Variants in SSBP2 observed in about 807,000 individuals in gnomAD.
SSBP2 encodes single-stranded DNA-binding protein 2.
SSBP2 carries 17 observed loss-of-function variants against 61.8 expected under a neutral mutation model. That is an observed-to-expected ratio of 0.28 (90% confidence interval 0.19 to 0.41). The LOEUF (loss-of-function observed/expected upper bound fraction) is 0.41, where lower values mean the gene tolerates loss of function less well. Ranked by LOEUF, SSBP2 falls within the 10% of genes least tolerant of loss-of-function variation. The probability of loss-of-function intolerance (pLI) is 1.00; values close to 1 mark genes in which losing one functional copy is unlikely to be tolerated. For missense variants in SSBP2, 310 were observed against 458.7 expected (o/e 0.68, Z 2.96); for synonymous variants, 139 against 141.3 (o/e 0.98, Z 0.12).
chr5:81,727,369 G>A (rs608001), intron 1 of SSBP2, among the ~76,000 whole-genome samples: 6,688 of 152,242 alleles, frequency 0.044, 217 homozygotes, highest in Middle Eastern at 0.088. Flanking sequence ...GACCAACATG[G>A]AGAAACCCTG....
chr5:81,488,195 T>G (rs1766580261), intron 6 of SSBP2, among the ~76,000 whole-genome samples: 1 of 151,192 alleles, frequency 6.6e-6, no homozygotes, highest in East Asian at 2.0e-4. Context: ...AATGCAGATA[T>G]TCCTTCAAGA....
chr5:81,587,762 C>T lies in SSBP2; in HGVS notation c.282+27711G>A, dbSNP rs576559380. On this transcript the variant is annotated intron_variant, in intron 4 of 16. Transcript: ENST00000320672. ...ACACACACACGCACACACACGCGCG[C>T]GCACACACACACACACACACACTAA... Among the ~76,000 whole-genome samples, 1,054 of 127,984 alleles carry T rather than the reference C, an allele frequency of 8.2e-3. 8 individuals carry two copies. Among genetic ancestry groups the T allele is most frequent in the African/African-American group, 0.032 (976 of 30,242 alleles). 84.0% of individuals were successfully genotyped at this position (127,984 alleles called of 152,430 possible). A position where few individuals can be genotyped will look rare whatever the true frequency, so the allele number is the denominator to read the frequency against.
At chr5:81,613,164 T>C (rs1380870762) in intron 4 of SSBP2, among the ~76,000 whole-genome samples, 2 of 152,114 alleles carry the variant, frequency 1.3e-5, no homozygotes, top group African/African-American at 4.8e-5. Flanking sequence ...AAAAATGGCA[T>C]CCAAGAATAA....
In SSBP2 at chr5:81,414,014, A is replaced by C. The variant is rs1761221451; in HGVS notation, c.*6490T>G. On this transcript the variant is annotated 3_prime_UTR_variant, in exon 17 of 17. Coordinates refer to ENST00000320672, the MANE Select transcript of SSBP2 (RefSeq NM_012446.5). ...GTGGGATTAAGTGTTAATATTGACTAGGAGTAAGTCCTTTACATCATTTTT... is the reference window on the plus strand; with the variant it reads ...GTGGGATTAAGTGTTAATATTGACTCGGAGTAAGTCCTTTACATCATTTTT... 1 of 152,204 alleles carries C rather than the reference A, an allele frequency of 6.6e-6. No individual in the cohort carries two copies. The highest frequency in any genetic ancestry group is 2.1e-4 in the South Asian group (1 of 4,836). 9.4% of individuals were successfully genotyped at this position (152,204 alleles called of 1,614,324 possible).
At chr5:81,447,389 C>T (rs561393402) in intron 11 of SSBP2, among the ~76,000 whole-genome samples, 4 of 152,246 alleles carry the variant, frequency 2.6e-5, no homozygotes, top group South Asian at 2.1e-4. Context: ...TCAATTGCAA[C>T]GTTTCTGGAG....
intron 8 of SSBP2, among the ~76,000 whole-genome samples, chr5:81,467,687 T>C (rs1764983609): frequency 6.6e-6 from 1 of 152,010 alleles, no homozygotes; most frequent in African/African-American, 2.4e-5. Flanking sequence ...TGTTATTAGA[T>C]TAGTTTAGTT....
intron 10 of SSBP2, 141 bp from the exon 11 acceptor site, chr5:81,448,966 G>A (rs1763587998): frequency 1.6e-6 from 1 of 643,024 alleles, no homozygotes; most frequent in South Asian, 2.0e-5. Flanking sequence ...ATTTGTATCT[G>A]TTTAAGTACT....
intron 4 of SSBP2, among the ~76,000 whole-genome samples, chr5:81,613,637 C>A (rs1449877074): frequency 6.6e-6 from 1 of 152,152 alleles, no homozygotes; most frequent in African/African-American, 2.4e-5. Context: ...TGTAGGCTAT[C>A]AAATATTGTA....
At chr5:81,475,697 A>T (rs945677021) in intron 6 of SSBP2, among the ~76,000 whole-genome samples, 3 of 152,126 alleles carry the variant, frequency 2.0e-5, no homozygotes, top group African/African-American at 7.2e-5. Flanking sequence ...AACTGAAAAA[A>T]AATCTCTCCT....
intron 1 of SSBP2, among the ~76,000 whole-genome samples, chr5:81,686,253 C>A (rs1279420846): frequency 2.0e-5 from 3 of 152,060 alleles, no homozygotes; most frequent in Non-Finnish European, 4.4e-5. Flanking sequence ...GAAAATTAAT[C>A]CTAGTTACAG....
At chr5:81,718,644 C>T (rs556301978) in intron 1 of SSBP2, among the ~76,000 whole-genome samples, 10 of 152,264 alleles carry the variant, frequency 6.6e-5, no homozygotes, top group South Asian at 2.1e-4. Context: ...TACTGTTCTA[C>T]GTTAGTTAAA....
chr5:81,542,157 T>C (rs192632501), intron 4 of SSBP2, among the ~76,000 whole-genome samples: 1 of 151,800 alleles, frequency 6.6e-6, no homozygotes, highest in South Asian at 2.1e-4. Flanking sequence ...AACAAACACA[T>C]GAAAAAATGC....
chr5:81,424,221 C>G (rs1204176704), intron 16 of SSBP2, among the ~76,000 whole-genome samples: 1 of 151,858 alleles, frequency 6.6e-6, no homozygotes, highest in Non-Finnish European at 1.5e-5. Flanking sequence ...GTCAGGAGTT[C>G]GAGACCAGCC....
chr5:81,741,294 C>T (rs549606065), intron 1 of SSBP2, among the ~76,000 whole-genome samples: 1 of 152,204 alleles, frequency 6.6e-6, no homozygotes, highest in Non-Finnish European at 1.5e-5. Flanking sequence ...TTCTTGGAGA[C>T]AGAAAATAGA....
chr5:81,750,250 CGCCCCAGCCCCA>C (rs1323939809), intron 1 of SSBP2, among the ~76,000 whole-genome samples: 2 of 146,430 alleles, frequency 1.4e-5, no homozygotes, highest in Non-Finnish European at 3.0e-5. Flanking sequence ...CCCCCGCCCC[CGCCCCAGCCCCA>C]GCCCCAGCCC....
intron 5 of SSBP2, among the ~76,000 whole-genome samples, chr5:81,494,521 G>A (rs1298902054): frequency 4.6e-5 from 7 of 152,082 alleles, no homozygotes; most frequent in African/African-American, 9.7e-5. Flanking sequence ...GGATTAGTAC[G>A]CCTATAAAAA....
chr5:81,703,736 A>C (rs377698315), intron 1 of SSBP2, among the ~76,000 whole-genome samples: 1 of 152,206 alleles, frequency 6.6e-6, no homozygotes, highest in African/African-American at 2.4e-5. Context: ...GAAATGCCAA[A>C]AACAAGACTA....
intron 1 of SSBP2, among the ~76,000 whole-genome samples, chr5:81,686,609 C>A (rs1293718274): frequency 6.6e-6 from 1 of 151,854 alleles, no homozygotes; most frequent in East Asian, 1.9e-4. Context: ...GTAATCTCAG[C>A]GCTTTGGGAG....
chr5:81,469,424 G>A (rs1270583853), intron 8 of SSBP2, among the ~76,000 whole-genome samples: 1 of 151,526 alleles, frequency 6.6e-6, no homozygotes, highest in Admixed American at 6.6e-5. Context: ...ACTTAAATGA[G>A]TCCTCTTTTC....
Sources: allele counts gnomAD v4.1 joint callset (sites outside exome capture counted in the v4.1 genomes callset), GRCh38; gene constraint gnomAD v4.1.1; transcripts MANE v1.5; gene names NCBI Gene and HGNC (gene_info 2026-07-23, HGNC 2026-07-21).